The following KIAA0825 variants were observed in gnomAD, a reference collection of about 807,000 sequenced individuals.
KIAA0825 encodes KIAA0825, also known as uncharacterized protein KIAA0825.
A neutral mutation model predicts 147.6 loss-of-function variants in KIAA0825; 119 were observed. The observed-to-expected ratio is 0.81, with a 90% CI of 0.69 to 0.94. KIAA0825 has a LOEUF of 0.94. Among genes scored for constraint, KIAA0825 ranks in the 40% least tolerant of loss-of-function variants. The pLI, the probability that KIAA0825 is intolerant of heterozygous loss-of-function variation, is 0.00. For missense variants in KIAA0825, 1,381 were observed against 1,472.7 expected (o/e 0.94, Z 1.02); for synonymous variants, 470 against 518.1 (o/e 0.91, Z 1.26).
intron 20 of KIAA0825, among the ~76,000 whole-genome samples, chr5:94,220,007 T>C (rs1056303098): frequency 2.0e-5 from 3 of 152,214 alleles, no homozygotes; most frequent in African/African-American, 7.2e-5. Context: ...AATGTTGACA[T>C]TTTTAAACTT....
At chr5:94,429,533 C>T (rs1755374474) in intron 14 of KIAA0825, among the ~76,000 whole-genome samples, 2 of 152,192 alleles carry the variant, frequency 1.3e-5, no homozygotes, top group African/African-American at 4.8e-5. Flanking sequence ...ATGGCACTTA[C>T]AGGCAAAAAC....
chr5:94,613,728 A>T (rs1171334994), intron 1 of KIAA0825, among the ~76,000 whole-genome samples: 2 of 152,222 alleles, frequency 1.3e-5, no homozygotes, highest in African/African-American at 4.8e-5. Flanking sequence ...AAGTAGCATC[A>T]GTTACACAGT....
intron 5 of KIAA0825, among the ~76,000 whole-genome samples, chr5:94,493,928 C>T (rs1410259335): frequency 6.6e-6 from 1 of 152,084 alleles, no homozygotes; most frequent in South Asian, 2.1e-4. Context: ...AATATTTCCT[C>T]CCAACCCACT....
intron 20 of KIAA0825, among the ~76,000 whole-genome samples, chr5:94,327,745 T>G (rs1323866594): frequency 2.0e-5 from 3 of 152,126 alleles, no homozygotes; most frequent in African/African-American, 7.2e-5. Flanking sequence ...CGGTGGCTCA[T>G]GCCTGTAATC....
At chr5:94,576,707 AAAACT>A (rs545744469) in intron 2 of KIAA0825, among the ~76,000 whole-genome samples, 44 of 152,338 alleles carry the variant, frequency 2.9e-4, no homozygotes, top group Admixed American at 2.6e-3. Context: ...ATGTACTAAT[AAAACT>A]AAACTAACTT....
In KIAA0825 at chr5:94,448,061, T is replaced by C. The variant is rs544109586; in HGVS notation, c.2357+4898A>G. On this transcript the variant is annotated intron_variant, in intron 13 of 20. Transcript: ENST00000682413. Reference sequence around the variant, plus strand: ...GGCATTATAATGCAACATATTATAATTGACTAGGACAGCATTCTTTCTTGA... The same window carrying C: ...GGCATTATAATGCAACATATTATAACTGACTAGGACAGCATTCTTTCTTGA... Among the ~76,000 whole-genome samples, 8 of 151,904 alleles carry C rather than the reference T, an allele frequency of 5.3e-5. 1 individual carries two copies. The highest frequency in any genetic ancestry group is 3.4e-3 in the Middle Eastern group (1 of 294).
chr5:94,244,451 G>C (rs1775503678), intron 20 of KIAA0825, among the ~76,000 whole-genome samples: 1 of 152,112 alleles, frequency 6.6e-6, no homozygotes, highest in African/African-American at 2.4e-5. Context: ...TCTCACCTCA[G>C]CTTTCTGGCT....
chr5:94,155,127 C>A (rs1162506817), intron 20 of KIAA0825, among the ~76,000 whole-genome samples: 1 of 151,594 alleles, frequency 6.6e-6, no homozygotes, highest in African/African-American at 2.4e-5. Context: ...AACTCCCAGA[C>A]AACAAATAGT....
intron 20 of KIAA0825, among the ~76,000 whole-genome samples, chr5:94,327,266 C>T (rs554430630): frequency 5.1e-4 from 78 of 151,854 alleles, no homozygotes; most frequent in African/African-American, 1.9e-3. Flanking sequence ...ATTATTAATC[C>T]AGCCATACTG....
chr5:94,396,020 A>G, intron 17 of KIAA0825, 81 bp downstream of exon 17: 1 of 1,279,652 alleles, frequency 7.8e-7, no homozygotes, highest in Non-Finnish European at 1.0e-6. Flanking sequence ...TGCCCATCTG[A>G]CAATATATTG....
In KIAA0825 at chr5:94,520,727, A is replaced by T. The variant is rs769958395; in HGVS notation, c.491T>A (p.Ile164Lys). 1 of 1,613,454 alleles carries T rather than the reference A, an allele frequency of 6.2e-7. No homozygotes were observed. The highest frequency in any genetic ancestry group is 1.7e-5 in the Admixed American group (1 of 59,960). The change falls in exon 5 of 21, where the codon ATA becomes AAA. Residue 164 changes from isoleucine to lysine, a missense_variant. Coordinates refer to ENST00000682413, the MANE Select transcript of KIAA0825 (RefSeq NM_001145678.3). Reference sequence around the variant, plus strand: ...TAAGAAGCGTCGAAGATGCAGTCTTATATCATCCCACATAGACTTGACATC... The same window carrying T: ...TAAGAAGCGTCGAAGATGCAGTCTTTTATCATCCCACATAGACTTGACATC... The part of the protein sequence containing the change: ...SMDVKSMWDD[I>K]RLHLRRFLVS...
intron 20 of KIAA0825, among the ~76,000 whole-genome samples, chr5:94,320,660 T>A (rs1404297621): frequency 6.6e-6 from 1 of 152,022 alleles, no homozygotes; most frequent in East Asian, 1.9e-4. Context: ...GCTGTCTATC[T>A]ACCCCTCTAC....
intron 20 of KIAA0825, among the ~76,000 whole-genome samples, chr5:94,278,136 G>C (rs1216911173): frequency 6.6e-6 from 1 of 152,052 alleles, no homozygotes; most frequent in Non-Finnish European, 1.5e-5. Context: ...AGTGGAGGGA[G>C]AGCATTAGGA....
intron 5 of KIAA0825, among the ~76,000 whole-genome samples, chr5:94,507,216 A>ATG (rs1765845935): frequency 6.6e-6 from 1 of 152,214 alleles, no homozygotes; most frequent in Non-Finnish European, 1.5e-5. Flanking sequence ...TTGGAAGGCC[A>ATG]AGGCAAGCAG....
chr5:94,471,199 G>C (rs1761169902), intron 9 of KIAA0825, among the ~76,000 whole-genome samples: 1 of 152,162 alleles, frequency 6.6e-6, no homozygotes, highest in Non-Finnish European at 1.5e-5. Flanking sequence ...GCGGAAAATA[G>C]TTGCGCTGGG....
At chr5:94,557,538 G>C (rs528826775) in intron 2 of KIAA0825, among the ~76,000 whole-genome samples, 1 of 152,082 alleles carries the variant, frequency 6.6e-6, no homozygotes, top group South Asian at 2.1e-4. Flanking sequence ...GGACTAGCTG[G>C]ATTTCCTAAG....
intron 20 of KIAA0825, among the ~76,000 whole-genome samples, chr5:94,160,260 T>C (rs1009408622): frequency 3.3e-5 from 5 of 152,102 alleles, no homozygotes; most frequent in Non-Finnish European, 7.4e-5. Context: ...CCAAGCTGTA[T>C]GTAATTCAGC....
At chr5:94,386,125 G>A (rs988207029) in intron 19 of KIAA0825, 117 bp downstream of exon 19, 1 of 813,160 alleles carries the variant, frequency 1.2e-6, no homozygotes, top group Non-Finnish European at 1.9e-6. Flanking sequence ...ATAAGAACAA[G>A]GCCTTTTGCT....
intron 20 of KIAA0825, among the ~76,000 whole-genome samples, chr5:94,223,042 C>T (rs1309985382): frequency 6.6e-6 from 1 of 152,152 alleles, no homozygotes; most frequent in Non-Finnish European, 1.5e-5. Flanking sequence ...TAGATCTAGA[C>T]TTGTTCATCC....
Sources: allele counts gnomAD v4.1 joint callset (sites outside exome capture counted in the v4.1 genomes callset), GRCh38; gene constraint gnomAD v4.1.1; transcripts MANE v1.5; gene names NCBI Gene and HGNC (gene_info 2026-07-23, HGNC 2026-07-21).